Variants in ZSWIM5 observed in about 807,000 individuals in gnomAD.
ZSWIM5 encodes the protein zinc finger SWIM-type containing 5, also known as zinc finger SWIM domain-containing protein 5.
A neutral mutation model predicts 119.6 loss-of-function variants in ZSWIM5; 55 were observed. The ratio of observed to expected loss-of-function variants is 0.46; its 90% CI spans 0.37 to 0.58. The LOEUF is 0.58. Among genes scored for constraint, ZSWIM5 ranks in the 20% least tolerant of loss-of-function variants. The probability of loss-of-function intolerance (pLI) is 0.00; values close to 1 mark genes in which losing one functional copy is unlikely to be tolerated. For missense variants in ZSWIM5, 1,193 were observed against 1,512.8 expected, an observed-to-expected ratio of 0.79 and a Z score of 3.51; for synonymous variants, 537 against 606.9, an observed-to-expected ratio of 0.88 and a Z score of 1.69.
chr1:45,114,791 G>A (rs1480910904), intron 1 of ZSWIM5, among the ~76,000 whole-genome samples: 3 of 152,120 alleles, frequency 2.0e-5, no homozygotes, highest in Non-Finnish European at 4.4e-5. Context: ...AGGACCCTGC[G>A]GCCTTCCGCA....
intron 1 of ZSWIM5, among the ~76,000 whole-genome samples, chr1:45,184,243 G>A (rs1378697642): frequency 1.1e-4 from 17 of 151,502 alleles, no homozygotes; most frequent in Admixed American, 3.3e-4. Flanking sequence ...TTGATGGGAT[G>A]TATCTCAAAA....
At position 45,038,604 on chromosome 1, in the gene ZSWIM5, C is replaced by CTTTTTTTTTTTTTTT. The variant is rs55717021; in HGVS notation, c.1894+317_1894+331dup. Among the ~76,000 whole-genome samples, 438 of 48,500 alleles carry CTTTTTTTTTTTTTTT rather than the reference C, an allele frequency of 9.0e-3. 125 individuals carry two copies. Among genetic ancestry groups the CTTTTTTTTTTTTTTT allele is most frequent in the Middle Eastern group, 0.059 (2 of 34 alleles). The allele number at this position is 48,500 out of a possible 152,430, so 31.8% of individuals were successfully genotyped here. A position where few individuals can be genotyped will look rare whatever the true frequency, so the allele number is the denominator to read the frequency against. On this transcript the variant is annotated intron_variant, in intron 8 of 13. Coordinates refer to ENST00000359600, the MANE Select transcript of ZSWIM5 (RefSeq NM_020883.2). ...GGAGAAAAGGGCTGACGAGGGCAGT[C>CTTTTTTTTTTTTTTT]TTTTTTTTTTTTTTTTTAATGAAAC... is the stretch of plus-strand genomic sequence containing the variant.
chr1:45,033,203 C>T (rs1298535291), intron 11 of ZSWIM5, among the ~76,000 whole-genome samples: 1 of 152,098 alleles, frequency 6.6e-6, no homozygotes, highest in Non-Finnish European at 1.5e-5. Context: ...TAATGTGATA[C>T]CAGGTATTTT....
intron 1 of ZSWIM5, among the ~76,000 whole-genome samples, chr1:45,155,014 G>A (rs761166345): frequency 2.6e-5 from 4 of 152,034 alleles, no homozygotes; most frequent in Non-Finnish European, 5.9e-5. Flanking sequence ...AAAAGCAAAT[G>A]CAACAAAAAC....
intron 1 of ZSWIM5, among the ~76,000 whole-genome samples, chr1:45,105,864 G>A (rs182913249): frequency 0.011 from 1,556 of 139,938 alleles, 55 homozygotes; most frequent in African/African-American, 0.041. Flanking sequence ...CTGCCTGGCC[G>A]CCCCATCTGA....
intron 1 of ZSWIM5, among the ~76,000 whole-genome samples, chr1:45,146,390 G>GA (rs750819671): frequency 2.8e-3 from 117 of 42,544 alleles, no homozygotes; most frequent in Non-Finnish European, 3.9e-3. Flanking sequence ...TAACTGATTT[G>GA]AAAAAAAAAA....
At chr1:45,201,078 C>A (rs1352893387) in intron 1 of ZSWIM5, among the ~76,000 whole-genome samples, 1 of 152,124 alleles carries the variant, frequency 6.6e-6, no homozygotes, top group Non-Finnish European at 1.5e-5. Flanking sequence ...AACAGACACA[C>A]ACAGGGAGAA....
At chr1:45,105,413 G>A (rs190677008) in intron 1 of ZSWIM5, among the ~76,000 whole-genome samples, 83 of 150,892 alleles carry the variant, frequency 5.5e-4, no homozygotes, top group African/African-American at 1.5e-3. Context: ...GCCGCCCATC[G>A]TCTGGGATGT....
At chr1:45,131,093 A>G (rs1334564663) in intron 1 of ZSWIM5, among the ~76,000 whole-genome samples, 1 of 152,174 alleles carries the variant, frequency 6.6e-6, no homozygotes, top group Non-Finnish European at 1.5e-5. Context: ...TGATGGAGAG[A>G]GTAATACCAG....
intron 1 of ZSWIM5, among the ~76,000 whole-genome samples, chr1:45,170,499 A>G (rs1645939869): frequency 6.6e-6 from 1 of 150,538 alleles, no homozygotes; most frequent in Non-Finnish European, 1.5e-5. Flanking sequence ...ATCATGACTC[A>G]CTGCAACTTT....
chr1:45,110,191 T>C (rs6429558), intron 1 of ZSWIM5, among the ~76,000 whole-genome samples: 22,660 of 152,238 alleles, frequency 0.15, 2,147 homozygotes, highest in African/African-American at 0.26. Flanking sequence ...TGTTTAAATT[T>C]GTTTATAAAA....
At chr1:45,069,197 T>G (rs557167318) in intron 2 of ZSWIM5, among the ~76,000 whole-genome samples, 1 of 151,968 alleles carries the variant, frequency 6.6e-6, no homozygotes, top group East Asian at 1.9e-4. Flanking sequence ...GAGGCCGAGG[T>G]GGGTGGATCA....
intron 2 of ZSWIM5, among the ~76,000 whole-genome samples, chr1:45,075,399 A>G (rs1645250408): frequency 6.6e-6 from 1 of 152,132 alleles, no homozygotes; most frequent in Admixed American, 6.5e-5. Context: ...TGTTGGGTGT[A>G]TATGTATTTA....
At chr1:45,063,756 G>C (rs1222466876) in intron 2 of ZSWIM5, among the ~76,000 whole-genome samples, 2 of 152,144 alleles carry the variant, frequency 1.3e-5, no homozygotes, top group Non-Finnish European at 2.9e-5. Context: ...ACTTTGGGAG[G>C]CTGAGGCGGG....
In ZSWIM5 at chr1:45,087,864, A is replaced by T; in HGVS notation, c.952+17T>A. On this transcript the variant is annotated intron_variant, in intron 2 of 13. Transcript: ENST00000359600. ...TGAAAAAGACCTTTTTTTTCAATAA[A>T]AAAGTTGTACAATTACCATTCACTT... is the stretch of plus-strand genomic sequence containing the variant. The T allele has an allele frequency of 6.4e-7, 1 of 1,561,400 alleles. No individual in the cohort carries two copies. Among genetic ancestry groups the T allele is most frequent in the Non-Finnish European group, 8.7e-7 (1 of 1,152,196 alleles).
intron 1 of ZSWIM5, among the ~76,000 whole-genome samples, chr1:45,121,101 C>T (rs953023090): frequency 1.3e-5 from 2 of 152,168 alleles, no homozygotes; most frequent in African/African-American, 4.8e-5. Context: ...AGGCGCCCGC[C>T]ACCTTGCCCA....
At chr1:45,130,729 T>G (rs1227155102) in intron 1 of ZSWIM5, among the ~76,000 whole-genome samples, 1 of 152,170 alleles carries the variant, frequency 6.6e-6, no homozygotes, top group Non-Finnish European at 1.5e-5. Context: ...ACTTAGCAAT[T>G]GCACTCCTGG....
intron 1 of ZSWIM5, among the ~76,000 whole-genome samples, chr1:45,147,584 C>CAAAAAAAAAA (rs11409330): frequency 1.1e-5 from 1 of 93,318 alleles, no homozygotes; most frequent in Non-Finnish European, 1.9e-5. Context: ...TTTACACATG[C>CAAAAAAAAAA]AAAAAAAAAA....
intron 5 of ZSWIM5, among the ~76,000 whole-genome samples, chr1:45,048,956 A>G (rs1263714314): frequency 6.6e-6 from 1 of 152,162 alleles, no homozygotes; most frequent in African/African-American, 2.4e-5. Flanking sequence ...CCCTGTCTCT[A>G]CAAAAAATAC....
Sources: allele counts gnomAD v4.1 joint callset (sites outside exome capture counted in the v4.1 genomes callset), GRCh38; gene constraint gnomAD v4.1.1; transcripts MANE v1.5; gene names NCBI Gene and HGNC (gene_info 2026-07-23, HGNC 2026-07-21).